NFKB1: variants seen among roughly 807,000 people sequenced by gnomAD.
The protein encoded by NFKB1 is nuclear factor kappa B subunit 1.
A neutral mutation model predicts 105.1 loss-of-function variants in NFKB1; 9 were observed. The ratio of observed to expected loss-of-function variants is 0.09; its 90% CI spans 0.05 to 0.15. The LOEUF is 0.15. Among genes scored for constraint, NFKB1 ranks in the 10% least tolerant of loss-of-function variants. NFKB1 has a pLI of 1.00. For synonymous variants in NFKB1, 440 were observed against 442.2 expected (o/e 1.00, Z 0.06); for missense variants, 830 against 1,203.7 (o/e 0.69, Z 4.59).
In NFKB1 at chr4:102,566,385, T is replaced by C. The variant is rs192411462; in HGVS notation, c.259-602T>C. Among the ~76,000 whole-genome samples, 348 of 152,330 alleles carry C rather than the reference T, an allele frequency of 2.3e-3. 1 individual carries two copies. Among genetic ancestry groups the C allele is most frequent in the African/African-American group, 8.2e-3 (341 of 41,576 alleles). On this transcript the variant is annotated intron_variant, in intron 5 of 23. Transcript: ENST00000226574. ...ATGACCTGAGCATATGTAACTCAAT[T>C]ATCAGAAGTCAGAGAGGGCTACTGA...
At chr4:102,556,472 A>G (rs901531342) in intron 5 of NFKB1, among the ~76,000 whole-genome samples, 3 of 152,158 alleles carry the variant, frequency 2.0e-5, no homozygotes, top group African/African-American at 7.2e-5. Context: ...GCCTTAGCAA[A>G]AGCAGCCAGT....
chr4:102,600,256 G>A (rs1297299366), intron 15 of NFKB1, among the ~76,000 whole-genome samples: 1 of 152,186 alleles, frequency 6.6e-6, no homozygotes, highest in African/African-American at 2.4e-5. Context: ...AACATTCCAG[G>A]CAGAGGGAAT....
Position 102,518,620 on chromosome 4 carries a change from A to G in NFKB1, c.-7-6892A>G, listed in dbSNP as rs4647976. ...AAGGAGAATCACCACAAAGCAAATT[A>G]AAAGATACTGATTACTTCTTCCAAT... On this transcript the variant is annotated intron_variant, in intron 1 of 23. Transcript: ENST00000226574. Among the ~76,000 whole-genome samples the G allele has an allele frequency of 4.7e-3, 710 of 152,338 alleles. 5 individuals carry two copies. Among genetic ancestry groups the G allele is most frequent in the African/African-American group, 0.016 (679 of 41,572 alleles).
At position 102,607,696 on chromosome 4, in the gene NFKB1, G is replaced by T; in HGVS notation, c.2172G>T (p.Leu724=). 6.2e-7 allele frequency: 1 copy of T among 1,614,160 alleles called. No individual in the cohort carries two copies. The highest frequency in any genetic ancestry group is 1.1e-5 in the South Asian group (1 of 91,078). The change falls in exon 19 of 24, where the codon CTG becomes CTT. Residue 724 remains leucine (L), a synonymous_variant. Transcript: ENST00000226574. ...CTACCTACGATGGAACCACACCCCT[G>T]CATATAGCAGCTGGGAGAGGGTCCA... ...DSTTYDGTTP[L]HIAAGRGSTR...
In NFKB1 at chr4:102,576,880, G is replaced by A. The variant is rs1460343437; in HGVS notation, c.412G>A (p.Ala138Thr). Residue 138 changes from alanine to threonine, a missense_variant, in exon 7 of 24, where the codon GCA becomes ACA. Ala to Thr is a moderately conservative substitution (Grantham distance 58). This residue lies in a region of NFKB1 where 64 missense variants were observed against 79.9 expected (regional missense o/e 0.80). Coordinates refer to ENST00000226574, the MANE Select transcript of NFKB1 (RefSeq NM_003998.4). ...CTGTTACTGTTTTTTCTCCAGCTTC[G>A]CAAACCTGGGTATACTTCATGTGAC... Reference protein sequence around the residue: ...AGPKDMVVGFANLGILHVTKK... With the variant: ...AGPKDMVVGFTNLGILHVTKK... 3.7e-6 allele frequency: 6 copies of A among 1,602,744 alleles called. No homozygotes were observed. In the South Asian group the frequency reaches 4.5e-5, roughly 12 times the overall value.
chr4:102,528,450 G>A lies in NFKB1; in HGVS notation c.40-1386G>A, dbSNP rs189308237. Among the ~76,000 whole-genome samples, 12 of 152,156 alleles carry A rather than the reference G, an allele frequency of 7.9e-5. No individual in the cohort carries two copies. The East Asian group carries it at 1.9e-3, about 24-fold the overall frequency. ...GATCTGAAGTACTGTTTATTTAAAC[G>A]AGATTTTTCTTACTCTTAATTTAAC... On this transcript the variant is annotated intron_variant, in intron 2 of 23. Coordinates refer to ENST00000226574, the MANE Select transcript of NFKB1 (RefSeq NM_003998.4).
intron 6 of NFKB1, among the ~76,000 whole-genome samples, chr4:102,573,900 T>C (rs1724593168): frequency 6.6e-6 from 1 of 151,990 alleles, no homozygotes; most frequent in South Asian, 2.1e-4. Context: ...TTTTTTCATA[T>C]CTGCCATGTT....
rs778070048 is a variant in NFKB1 at position 102,578,864 on chromosome 4, G to A, written c.572-17G>A. 1.9e-6 allele frequency: 3 copies of A among 1,613,498 alleles called. No homozygotes were observed. The African/African-American group carries it at 4.0e-5, about 22-fold the overall frequency. On this transcript the variant is annotated splice_polypyrimidine_tract_variant and intron_variant, in intron 7 of 23. Transcript: ENST00000226574. Reference sequence around the variant, plus strand: ...ACACTTCCCTGGGCATGAATGGACTGTGCTGTATGGCCCTAGATCGGGAAA... The same window carrying A: ...ACACTTCCCTGGGCATGAATGGACTATGCTGTATGGCCCTAGATCGGGAAA...
At chr4:102,505,904 C>G (rs1035007568) in intron 1 of NFKB1, among the ~76,000 whole-genome samples, 2 of 151,724 alleles carry the variant, frequency 1.3e-5, no homozygotes, top group African/African-American at 4.8e-5. Flanking sequence ...CAGCCATCTT[C>G]TATAAGGAAC....
intron 5 of NFKB1, among the ~76,000 whole-genome samples, chr4:102,551,371 C>T (rs1489355393): frequency 1.3e-4 from 17 of 132,032 alleles, no homozygotes; most frequent in Admixed American, 3.5e-4. Flanking sequence ...TGTGTGTGCG[C>T]GCGCGCATGT....
intron 5 of NFKB1, chr4:102,557,124 G>A (rs1007061538): frequency 6.6e-6 from 1 of 152,200 alleles, no homozygotes; most frequent in African/African-American, 2.4e-5. Flanking sequence ...AAGGAGAAGA[G>A]AGAGTGAAGG....
At chr4:102,505,570 T>G (rs1739366447) in intron 1 of NFKB1, among the ~76,000 whole-genome samples, 1 of 152,204 alleles carries the variant, frequency 6.6e-6, no homozygotes, top group South Asian at 2.1e-4. Context: ...GCTTTTATTT[T>G]GACCCATGCC....
At chr4:102,551,556 G>A (rs1049649445) in intron 5 of NFKB1, among the ~76,000 whole-genome samples, 9 of 152,062 alleles carry the variant, frequency 5.9e-5, no homozygotes, top group Non-Finnish European at 7.4e-5. Context: ...TAAGAAGAAC[G>A]AATCACACCA....
At chr4:102,594,113 A>G (rs934653634) in intron 12 of NFKB1, among the ~76,000 whole-genome samples, 12 of 152,222 alleles carry the variant, frequency 7.9e-5, no homozygotes, top group African/African-American at 2.9e-4. Flanking sequence ...CTATTTTACT[A>G]TCATTTGCAC....
intron 6 of NFKB1, among the ~76,000 whole-genome samples, chr4:102,571,177 C>G (rs1338852360): frequency 6.6e-6 from 1 of 152,106 alleles, no homozygotes; most frequent in Non-Finnish European, 1.5e-5. Context: ...AGAAATAATA[C>G]CGTACATCTA....
At chr4:102,602,168 TAATTA>T (rs1727213898) in intron 16 of NFKB1, among the ~76,000 whole-genome samples, 1 of 152,140 alleles carries the variant, frequency 6.6e-6, no homozygotes, top group Non-Finnish European at 1.5e-5. Context: ...TAAAGAAAAT[TAATTA>T]AAACTTCATT....
At chr4:102,517,114 G>T (rs1316435889) in intron 1 of NFKB1, among the ~76,000 whole-genome samples, 1 of 152,164 alleles carries the variant, frequency 6.6e-6, no homozygotes, top group African/African-American at 2.4e-5. Flanking sequence ...GACCAGAGAT[G>T]ACCCCTATGT....
intron 4 of NFKB1, among the ~76,000 whole-genome samples, chr4:102,534,642 TA>T (rs1032409366): frequency 9.9e-5 from 15 of 152,176 alleles, no homozygotes; most frequent in African/African-American, 3.6e-4. Flanking sequence ...GGAATGGAAA[TA>T]ATGGTGTAGT....
At chr4:102,599,522 T>C (rs1726948836) in intron 15 of NFKB1, among the ~76,000 whole-genome samples, 1 of 152,214 alleles carries the variant, frequency 6.6e-6, no homozygotes, top group South Asian at 2.1e-4. Flanking sequence ...TTTAGTGTGC[T>C]CTGCACCTCA....
Sources: gnomAD v4.1 joint callset for allele counts (sites outside exome capture counted in the v4.1 genomes callset) on GRCh38, gnomAD v4.1.1 for gene constraint, gnomAD v4.1.1 regional missense constraint, MANE v1.5 for transcripts, NCBI Gene and HGNC (gene_info 2026-07-23, HGNC 2026-07-21) for gene names.